AKAP7: variants seen among roughly 807,000 people sequenced by gnomAD.
AKAP7 encodes the protein A kinase (PRKA) anchor protein 7.
AKAP7 carries 39 observed loss-of-function variants against 39.5 expected under a neutral mutation model. That is an observed-to-expected ratio of 0.99 (90% CI 0.76 to 1.29). AKAP7 has a LOEUF of 1.29. Among genes scored for constraint, AKAP7 ranks in the 50% most tolerant of loss-of-function variants. The pLI is 0.00. For synonymous variants in AKAP7, 140 were observed against 139.1 expected, an observed-to-expected ratio of 1.01 and a Z score of -0.05; for missense variants, 414 against 407.7, an observed-to-expected ratio of 1.02 and a Z score of -0.13.
intron 1 of AKAP7, among the ~76,000 whole-genome samples, chr6:131,136,467 A>C (rs546427426): frequency 2.4e-4 from 36 of 152,282 alleles, no homozygotes; most frequent in African/African-American, 8.7e-4. Flanking sequence ...TACTATATAA[A>C]TAGCAGTTAA....
chr6:131,157,708 C>G (rs1187450472), intron 2 of AKAP7, among the ~76,000 whole-genome samples: 1 of 152,104 alleles, frequency 6.6e-6, no homozygotes, highest in East Asian at 1.9e-4. Flanking sequence ...CAAACTATTT[C>G]TTAGTAATAA....
At position 131,184,827 on chromosome 6, in the gene AKAP7, G is replaced by A; in HGVS notation, c.590-14634G>A. On this transcript the variant is annotated intron_variant, in intron 5 of 7. Transcript: ENST00000431975. ...GAGAGTGGGCATAGTGGTAACTGAG[G>A]CCTGGTCGGTTCTTGTAACGTTTTC... The A allele has an allele frequency of 2.0e-6, 3 of 1,471,808 alleles. No homozygotes were observed. The South Asian group carries it at 3.4e-5, about 17-fold the overall frequency. 91.2% of individuals were successfully genotyped at this position (1,471,808 alleles called of 1,614,324 possible). A position where few individuals can be genotyped will look rare whatever the true frequency, so the allele number is the denominator to read the frequency against.
chr6:131,226,841 G>C lies in AKAP7; in HGVS notation c.850+7033G>C, dbSNP rs533354035. ...AGGTAGAAACAGAATTATTTTCTGG[G>C]AACACTTGTTTCTTTGCTTAATAAT... On this transcript the variant is annotated intron_variant, in intron 7 of 7. Coordinates refer to ENST00000431975, the MANE Select transcript of AKAP7 (RefSeq NM_016377.4). Among the ~76,000 whole-genome samples the C allele has an allele frequency of 5.9e-5, 9 of 152,242 alleles. No homozygotes were observed. In the South Asian group the frequency reaches 8.3e-4, roughly 14 times the overall value.
intron 5 of AKAP7, among the ~76,000 whole-genome samples, chr6:131,173,887 C>T (rs1467385923): frequency 6.6e-6 from 1 of 152,140 alleles, no homozygotes; most frequent in African/African-American, 2.4e-5. Context: ...ATTGAGAATT[C>T]CATCCATTCT....
intron 2 of AKAP7, among the ~76,000 whole-genome samples, 198 bp downstream of exon 2, chr6:131,145,614 G>A (rs1413939718): frequency 6.6e-6 from 1 of 152,180 alleles, no homozygotes; most frequent in Non-Finnish European, 1.5e-5. Context: ...TGTGATCACA[G>A]TTCACTGCAG....
Position 131,224,906 on chromosome 6 carries a change from A to T in AKAP7, c.850+5098A>T, listed in dbSNP as rs187565727. On this transcript the variant is annotated intron_variant, in intron 7 of 7. Coordinates refer to ENST00000431975, the MANE Select transcript of AKAP7 (RefSeq NM_016377.4). ...GCTGGGACTACAAGTGTGCGCCACC[A>T]TGCCCGGCTAATTTTTTTTTTAATA... 1.1e-4 allele frequency among the ~76,000 whole-genome samples: 16 copies of T among 151,492 alleles called. No homozygotes were observed. In the East Asian group the frequency reaches 2.1e-3, roughly 20 times the overall value.
At chr6:131,212,525 C>T (rs1427035473) in intron 6 of AKAP7, among the ~76,000 whole-genome samples, 1 of 152,228 alleles carries the variant, frequency 6.6e-6, no homozygotes, top group Non-Finnish European at 1.5e-5. Flanking sequence ...GAGCACCTTT[C>T]TTCCTTGTTC....
At chr6:131,203,070 T>C (rs1293890656) in intron 6 of AKAP7, among the ~76,000 whole-genome samples, 1 of 152,182 alleles carries the variant, frequency 6.6e-6, no homozygotes, top group Non-Finnish European at 1.5e-5. Flanking sequence ...AGGAATATAC[T>C]TAAGACCTGC....
chr6:131,161,644 CAAAAAAAAAAAAAAAAAAAAAAAAAA>C (rs55744190), intron 3 of AKAP7, among the ~76,000 whole-genome samples: 7 of 33,618 alleles, frequency 2.1e-4, no homozygotes, highest in Admixed American at 6.1e-4. Flanking sequence ...GACTGTATCT[CAAAAAAAAAAAAAAAAAAAAAAAAAA>C]AAAAAAAAAA....
intron 5 of AKAP7, among the ~76,000 whole-genome samples, chr6:131,190,042 C>T (rs1037087562): frequency 2.0e-4 from 31 of 152,210 alleles, no homozygotes; most frequent in African/African-American, 7.5e-4. Flanking sequence ...TTAGTAAAAA[C>T]TTTTCTCATC....
rs933567010 is a variant in AKAP7 at position 131,250,446 on chromosome 6, G to A, written c.850+30638G>A. 8 of 1,534,664 alleles carry A rather than the reference G, an allele frequency of 5.2e-6. No individual in the cohort carries two copies. The African/African-American group carries it at 9.6e-5, about 18-fold the overall frequency. Reference sequence around the variant, plus strand: ...GGCGTGTGCATTGGCTCTTCAAGCTGCCTGTGCTGCTCCGTGGAGTGAAAA... The same window carrying A: ...GGCGTGTGCATTGGCTCTTCAAGCTACCTGTGCTGCTCCGTGGAGTGAAAA... On this transcript the variant is annotated intron_variant, in intron 7 of 7. Coordinates refer to ENST00000431975, the MANE Select transcript of AKAP7 (RefSeq NM_016377.4).
intron 7 of AKAP7, among the ~76,000 whole-genome samples, chr6:131,266,200 C>G (rs888906429): frequency 6.6e-6 from 1 of 152,142 alleles, no homozygotes; most frequent in Non-Finnish European, 1.5e-5. Flanking sequence ...GCCTCGGTTC[C>G]CTGCTTTCCA....
chr6:131,190,102 T>G (rs1218958344), intron 5 of AKAP7, among the ~76,000 whole-genome samples: 1 of 152,222 alleles, frequency 6.6e-6, no homozygotes, highest in Non-Finnish European at 1.5e-5. Flanking sequence ...AGCAATAGAT[T>G]ATACTACTGT....
At chr6:131,241,637 A>ATATGTGTGTG (rs1554217972) in intron 7 of AKAP7, among the ~76,000 whole-genome samples, 1 of 78,784 alleles carries the variant, frequency 1.3e-5, no homozygotes, top group African/African-American at 4.5e-5. Context: ...GTATATATAT[A>ATATGTGTGTG]TGACAGTTAT....
At chr6:131,253,347 G>A (rs10457569) in intron 7 of AKAP7, among the ~76,000 whole-genome samples, 17,954 of 152,056 alleles carry the variant, frequency 0.12, 1,205 homozygotes, top group Admixed American at 0.19. Flanking sequence ...ATACATAATC[G>A]TTGTACATAT....
intron 7 of AKAP7, among the ~76,000 whole-genome samples, chr6:131,241,627 G>GTGTGTGTGTGTATATATATA: frequency 1.7e-4 from 15 of 86,666 alleles, no homozygotes; most frequent in East Asian, 9.3e-4. Flanking sequence ...GTGTGTGTGT[G>GTGTGTGTGTGTATATATATA]TATATATATA....
intron 5 of AKAP7, among the ~76,000 whole-genome samples, chr6:131,176,522 C>A (rs1405273229): frequency 6.6e-6 from 1 of 151,698 alleles, no homozygotes; most frequent in Non-Finnish European, 1.5e-5. Flanking sequence ...AAAATTTAGC[C>A]CACTAGAATT....
chr6:131,136,631 A>G (rs1204814480), intron 1 of AKAP7, among the ~76,000 whole-genome samples: 1 of 152,174 alleles, frequency 6.6e-6, no homozygotes, highest in African/African-American at 2.4e-5. Context: ...TCCTGTTAGC[A>G]TATCTGTATA....
At chr6:131,268,625 T>C (rs1051432585) in intron 7 of AKAP7, among the ~76,000 whole-genome samples, 1 of 152,216 alleles carries the variant, frequency 6.6e-6, no homozygotes, top group African/African-American at 2.4e-5. Flanking sequence ...ATTACATTAA[T>C]GGCAACATTT....
Sources: gnomAD v4.1 joint callset for allele counts (sites outside exome capture counted in the v4.1 genomes callset) on GRCh38, gnomAD v4.1.1 for gene constraint, MANE v1.5 for transcripts, NCBI Gene and HGNC (gene_info 2026-07-23, HGNC 2026-07-21) for gene names.